The following GRID1 variants were observed in gnomAD, a reference collection of about 807,000 sequenced individuals.
GRID1 encodes the protein glutamate receptor ionotropic, delta-1.
Under a neutral mutation model 98.0 loss-of-function variants are expected in GRID1, and 28 were observed. That is an observed-to-expected ratio of 0.29 (90% CI 0.21 to 0.39). The LOEUF (loss-of-function observed/expected upper bound fraction) is 0.39, where lower values mean the gene tolerates loss of function less well. Ranked by LOEUF, GRID1 falls within the 10% of genes least tolerant of loss-of-function variation. GRID1 has a pLI of 1.00. For synonymous variants in GRID1, 553 were observed against 538.5 expected (o/e 1.03, Z -0.37); for missense variants, 1,111 against 1,340.5 (o/e 0.83, Z 2.67).
intron 5 of GRID1, among the ~76,000 whole-genome samples, chr10:85,910,350 G>C (rs1301257697): frequency 1.3e-5 from 2 of 152,092 alleles, no homozygotes; most frequent in Non-Finnish European, 1.5e-5. Flanking sequence ...TCTTCAATTA[G>C]AGCATTCGCA....
chr10:86,147,806 C>T (rs576087474), intron 3 of GRID1, among the ~76,000 whole-genome samples: 7 of 152,300 alleles, frequency 4.6e-5, no homozygotes, highest in East Asian at 3.9e-4. Flanking sequence ...CCCAGAACCC[C>T]GACCACATTT....
intron 8 of GRID1, among the ~76,000 whole-genome samples, chr10:85,781,273 G>A (rs1842378613): frequency 6.6e-6 from 1 of 152,184 alleles, no homozygotes; most frequent in African/African-American, 2.4e-5. Flanking sequence ...GGAGACTAAA[G>A]CTAATTCCCC....
At chr10:86,081,444 A>G (rs1260447783) in intron 4 of GRID1, among the ~76,000 whole-genome samples, 2 of 152,202 alleles carry the variant, frequency 1.3e-5, no homozygotes, top group Admixed American at 1.3e-4. Context: ...TTTCTGCTCA[A>G]CATCAGACAG....
At chr10:86,315,976 T>C (rs982250331) in intron 2 of GRID1, among the ~76,000 whole-genome samples, 1 of 152,042 alleles carries the variant, frequency 6.6e-6, no homozygotes, top group African/African-American at 2.4e-5. Flanking sequence ...TGTCAACCCA[T>C]CCACTCATCC....
At chr10:86,209,729 A>G (rs1357618569) in intron 2 of GRID1, among the ~76,000 whole-genome samples, 1 of 152,122 alleles carries the variant, frequency 6.6e-6, no homozygotes, top group Non-Finnish European at 1.5e-5. Flanking sequence ...AGGAACTCCA[A>G]TGCTCAATTG....
chr10:86,206,665 G>C lies in GRID1; in HGVS notation c.236-17C>G. On this transcript the variant is annotated splice_polypyrimidine_tract_variant and intron_variant, in intron 2 of 15. Transcript: ENST00000327946. This position sits in a 1 kb window ranked among gnomAD's most constrained non-coding sequence, Gnocchi z 4.1. ...GGTCACAGGCTAGAAAGAGAGAAGAGAGAGAGGAAGGGGTCAGCATCAGGG... is the reference window on the plus strand; with the variant it reads ...GGTCACAGGCTAGAAAGAGAGAAGACAGAGAGGAAGGGGTCAGCATCAGGG... The C allele has an allele frequency of 1.2e-6, 2 of 1,603,742 alleles. No individual in the cohort carries two copies. Among genetic ancestry groups the C allele is most frequent in the Non-Finnish European group, 1.7e-6 (2 of 1,172,160 alleles).
chr10:85,912,949 A>G (rs1841561472), intron 5 of GRID1, among the ~76,000 whole-genome samples: 1 of 152,222 alleles, frequency 6.6e-6, no homozygotes, highest in Admixed American at 6.5e-5. Flanking sequence ...TATAATAAGA[A>G]TAACAGGACT....
Position 85,869,112 on chromosome 10 carries a change from T to C in GRID1, c.849A>G (p.Gln283=). ...SALGRMTVVR[Q]IFPSAKDNQK... is the part of the protein sequence containing the mutation. Reference sequence around the variant, plus strand: ...GATTGTCCTTTGCAGACGGAAAGATTTGCCGGACCACGGTCATCCTTCCAA... The same window carrying C: ...GATTGTCCTTTGCAGACGGAAAGATCTGCCGGACCACGGTCATCCTTCCAA... The change falls in exon 6 of 16, where the codon CAA becomes CAG. Residue 283 remains glutamine, a synonymous_variant. Transcript: ENST00000327946. The C allele has an allele frequency of 6.2e-7, 1 of 1,613,918 alleles. No individual in the cohort carries two copies. Among genetic ancestry groups the C allele is most frequent in the South Asian group, 1.1e-5 (1 of 91,074 alleles).
At chr10:86,093,499 CTAAGAAACAAAACAG>C (rs1394409347) in intron 4 of GRID1, among the ~76,000 whole-genome samples, 3 of 151,638 alleles carry the variant, frequency 2.0e-5, no homozygotes, top group Non-Finnish European at 1.5e-5. Flanking sequence ...AATAACCTCA[CTAAGAAACAAAACAG>C]TAGATATTAC....
chr10:85,930,913 C>T (rs539332645), intron 4 of GRID1, among the ~76,000 whole-genome samples: 12 of 152,230 alleles, frequency 7.9e-5, no homozygotes, highest in African/African-American at 2.9e-4. Flanking sequence ...GCGATCATGA[C>T]TCACTTCAGC....
intron 2 of GRID1, among the ~76,000 whole-genome samples, chr10:86,334,933 C>T (rs1848202839): frequency 6.6e-6 from 1 of 152,216 alleles, no homozygotes; most frequent in African/African-American, 2.4e-5. Flanking sequence ...TCCTGCTAAA[C>T]AAGAATAGGA....
intron 2 of GRID1, among the ~76,000 whole-genome samples, chr10:86,241,410 GGCC>G (rs1846631756): frequency 6.6e-6 from 1 of 152,246 alleles, no homozygotes; most frequent in African/African-American, 2.4e-5. Context: ...TTTACAGGGG[GGCC>G]CCCTACAGCC....
At chr10:85,984,299 T>C (rs915625319) in intron 4 of GRID1, among the ~76,000 whole-genome samples, 1 of 152,024 alleles carries the variant, frequency 6.6e-6, no homozygotes, top group African/African-American at 2.4e-5. Context: ...ACATAACAGT[T>C]CTCCTTCCTC....
At chr10:85,910,371 C>T (rs1250960219) in intron 5 of GRID1, among the ~76,000 whole-genome samples, 1 of 152,120 alleles carries the variant, frequency 6.6e-6, no homozygotes, top group Non-Finnish European at 1.5e-5. Flanking sequence ...TCTTCCTCTC[C>T]CACATTATAT....
chr10:85,918,146 G>A (rs908536372), intron 4 of GRID1, among the ~76,000 whole-genome samples: 6 of 151,958 alleles, frequency 3.9e-5, no homozygotes, highest in African/African-American at 1.5e-4. Context: ...CTTATCAAAT[G>A]TGCACAGATG....
chr10:86,325,873 A>G (rs1252686880), intron 2 of GRID1, among the ~76,000 whole-genome samples: 1 of 152,240 alleles, frequency 6.6e-6, no homozygotes, highest in African/African-American at 2.4e-5. Flanking sequence ...AATATTTAGC[A>G]TTGTCCCAGA....
rs749368017 is a variant in GRID1 at position 85,869,198 on chromosome 10, C to T, written c.781-18G>A. ...CTGATTTCCTAGAAAAATAACCAGG[C>T]CCATGCTTACCATCCACTCATGAAC... On this transcript the variant is annotated intron_variant, in intron 5 of 15. Transcript: ENST00000327946. 5 of 1,605,964 alleles carry T rather than the reference C, an allele frequency of 3.1e-6. No homozygotes were observed. Among genetic ancestry groups the T allele is most frequent in the East Asian group, 2.2e-5 (1 of 44,774 alleles).
intron 2 of GRID1, 66 bp downstream of exon 2, chr10:86,363,875 G>A: frequency 3.6e-6 from 5 of 1,396,472 alleles, no homozygotes; most frequent in South Asian, 2.5e-5. Context: ...CAACCCCTCC[G>A]GTGCCCACTG....
intron 5 of GRID1, among the ~76,000 whole-genome samples, chr10:85,894,594 G>A (rs770007077): frequency 1.3e-4 from 20 of 152,142 alleles, no homozygotes; most frequent in South Asian, 2.1e-4. Flanking sequence ...ACTCCAAGTC[G>A]TACTTATCAG....
Sources: allele counts gnomAD v4.1 joint callset (sites outside exome capture counted in the v4.1 genomes callset), GRCh38; gene constraint gnomAD v4.1.1; non-coding constraint Gnocchi (gnomAD v3.1); transcripts MANE v1.5; gene names NCBI Gene and HGNC (gene_info 2026-07-23, HGNC 2026-07-21).